SH3KBP1: variants seen among roughly 807,000 people sequenced by gnomAD.
The protein encoded by SH3KBP1 is SH3 domain-containing kinase-binding protein 1.
SH3KBP1 carries 8 observed loss-of-function variants against 50.1 expected under a neutral mutation model. The ratio of observed to expected loss-of-function variants is 0.16; its 90% confidence interval spans 0.09 to 0.29. SH3KBP1 has a LOEUF of 0.29. Ranked by LOEUF, SH3KBP1 falls within the 10% of genes least tolerant of loss-of-function variation. SH3KBP1 has a pLI of 1.00. For synonymous variants in SH3KBP1, 227 were observed against 218.6 expected, an observed-to-expected ratio of 1.04 and a Z score of -0.34; for missense variants, 377 against 535.2, an observed-to-expected ratio of 0.70 and a Z score of 2.92.
chrX:19,875,529 G>C (rs1041256870), intron 1 of SH3KBP1, among the ~76,000 whole-genome samples: 2 of 112,168 alleles, frequency 1.8e-5, no homozygotes, highest in African/African-American at 6.5e-5. Flanking sequence ...CTGGCCCGAG[G>C]GCAGCCCCGT....
chrX:19,823,558 C>T (rs1204120917), intron 2 of SH3KBP1, among the ~76,000 whole-genome samples: 2 of 112,138 alleles, frequency 1.8e-5, no homozygotes, highest in Non-Finnish European at 3.8e-5. Flanking sequence ...TCTCTTCTGC[C>T]ACTAGACAGG....
chrX:19,873,533 G>A (rs1161840737), intron 1 of SH3KBP1, among the ~76,000 whole-genome samples: 2 of 104,691 alleles, frequency 1.9e-5, no homozygotes, highest in Non-Finnish European at 3.9e-5. Flanking sequence ...TTAGCCGGGC[G>A]AGGTGGCAGG....
At position 19,748,896 on chromosome X, in the gene SH3KBP1, G is replaced by T. The variant is rs776975361; in HGVS notation, c.163-2455C>A. ...ATCTAAGCAGTCGCCCAGTCTGGCT[G>T]CATCTACTTTCTCAATCTGTTTCTT... On this transcript the variant is annotated intron_variant, in intron 2 of 17. Coordinates refer to ENST00000397821, the MANE Select transcript of SH3KBP1 (RefSeq NM_031892.3). Among the ~76,000 whole-genome samples the T allele has an allele frequency of 4.5e-5, 5 of 111,441 alleles. No homozygotes were observed. The East Asian group carries it at 1.4e-3, about 32-fold the overall frequency.
In SH3KBP1 at chrX:19,796,437, C is replaced by G. The variant is rs1176242812; in HGVS notation, c.162+39688G>C. On this transcript the variant is annotated intron_variant, in intron 2 of 17. Coordinates refer to ENST00000397821, the MANE Select transcript of SH3KBP1 (RefSeq NM_031892.3). ...GCTACTTAGACATGGTCCCTACCCC[C>G]ACTGCCATTTAGGTGGTGCCTTGGG... is the stretch of plus-strand genomic sequence containing the variant. 2.7e-5 allele frequency among the ~76,000 whole-genome samples: 3 copies of G among 112,124 alleles called. No homozygotes were observed. In the East Asian group the frequency reaches 8.4e-4, roughly 31 times the overall value.
chrX:19,657,571 T>C (rs1268327689), intron 6 of SH3KBP1, among the ~76,000 whole-genome samples: 8 of 105,790 alleles, frequency 7.6e-5, no homozygotes, highest in African/African-American at 2.4e-4. Context: ...CTACAAAAAA[T>C]ACAAAATTTA....
chrX:19,842,309 C>T (rs2068243385), intron 1 of SH3KBP1, among the ~76,000 whole-genome samples: 1 of 112,117 alleles, frequency 8.9e-6, no homozygotes, highest in Non-Finnish European at 1.9e-5. Flanking sequence ...GGGCAGATCA[C>T]AAGGTCAGGA....
rs993803540 is a variant in SH3KBP1 at position 19,591,997 on chromosome X, G to C, written c.1138+70C>G. 8.1e-6 allele frequency: 7 copies of C among 867,968 alleles called. No individual in the cohort carries two copies. The Admixed American group carries it at 1.3e-4, about 16-fold the overall frequency. 71.5% of individuals were successfully genotyped at this position (867,968 alleles called of 1,213,427 possible). On this transcript the variant is annotated intron_variant, in intron 11 of 17. Coordinates refer to ENST00000397821, the MANE Select transcript of SH3KBP1 (RefSeq NM_031892.3). ...AAAAGCAAATTCTGTGGGTATTCTG[G>C]ACTAGCCGTGTAACAGACAGCTTCA...
chrX:19,607,846 C>T lies in SH3KBP1; in HGVS notation c.1005+92G>A, dbSNP rs1201450441. 6 of 694,137 alleles carry T rather than the reference C, an allele frequency of 8.6e-6. No homozygotes were observed. In the Admixed American group the frequency reaches 1.2e-4, roughly 14 times the overall value. 57.2% of individuals were successfully genotyped at this position (694,137 alleles called of 1,213,427 possible). On this transcript the variant is annotated intron_variant, in intron 9 of 17. Coordinates refer to ENST00000397821, the MANE Select transcript of SH3KBP1 (RefSeq NM_031892.3). ...CTGGGTCTGTTGAATGTTCAAATGC[C>T]AGTGCTCTTCAACATTACACCAAAC... is the stretch of plus-strand genomic sequence containing the variant.
intron 2 of SH3KBP1, among the ~76,000 whole-genome samples, chrX:19,758,299 G>A (rs757752215): frequency 5.3e-5 from 5 of 94,743 alleles, no homozygotes; most frequent in African/African-American, 2.0e-4. Context: ...CTGAACTCCG[G>A]CCTGGGCCAC....
At chrX:19,703,138 A>G (rs1158244691) in intron 4 of SH3KBP1, among the ~76,000 whole-genome samples, 1 of 111,272 alleles carries the variant, frequency 9.0e-6, no homozygotes, top group East Asian at 2.8e-4. Flanking sequence ...GGGCTGGTAG[A>G]CTCGCTCCTG....
chrX:19,666,201 A>C (rs896001463), intron 6 of SH3KBP1, among the ~76,000 whole-genome samples: 3 of 111,238 alleles, frequency 2.7e-5, no homozygotes, highest in Non-Finnish European at 3.8e-5. Context: ...AAAAAAAATC[A>C]ATCACAAAAC....
At chrX:19,805,766 A>G (rs1434201127) in intron 2 of SH3KBP1, among the ~76,000 whole-genome samples, 1 of 111,048 alleles carries the variant, frequency 9.0e-6, no homozygotes, top group Admixed American at 9.6e-5. Flanking sequence ...TGCCATTTAC[A>G]ATCTGTGCTC....
intron 2 of SH3KBP1, among the ~76,000 whole-genome samples, chrX:19,776,492 T>G (rs1047279830): frequency 3.8e-5 from 4 of 104,600 alleles, no homozygotes; most frequent in Non-Finnish European, 7.7e-5. Context: ...TAAAAGAATT[T>G]TTTTTAAAAA....
chrX:19,787,464 T>C (rs1171404153), intron 2 of SH3KBP1, among the ~76,000 whole-genome samples: 1 of 112,034 alleles, frequency 8.9e-6, no homozygotes, highest in Non-Finnish European at 1.9e-5. Context: ...CTGTGAATTG[T>C]TGTAAAATCA....
At position 19,619,361 on chromosome X, in the gene SH3KBP1, A is replaced by G. The variant is rs1347945904; in HGVS notation, c.898-11316T>C. On this transcript the variant is annotated intron_variant, in intron 8 of 17. Coordinates refer to ENST00000397821, the MANE Select transcript of SH3KBP1 (RefSeq NM_031892.3). ...TCCTTATATAGACAGGACCTTCCCA[A>G]TGTCCTCGTAAGATGGCTTTAAGTA... Among the ~76,000 whole-genome samples, 2 of 112,833 alleles carry G rather than the reference A, an allele frequency of 1.8e-5. 1 individual carries two copies. The highest frequency in any genetic ancestry group is 3.7e-5 in the Non-Finnish European group (2 of 53,359).
chrX:19,869,407 A>G (rs1349774990), intron 1 of SH3KBP1, among the ~76,000 whole-genome samples: 3 of 112,011 alleles, frequency 2.7e-5, no homozygotes, highest in Non-Finnish European at 5.6e-5. Context: ...GAAGTGATGT[A>G]AGCAGTTTCC....
At chrX:19,581,590 A>AGTGTCCTG (rs1160406010) in intron 12 of SH3KBP1, among the ~76,000 whole-genome samples, 3 of 111,441 alleles carry the variant, frequency 2.7e-5, no homozygotes, top group South Asian at 7.6e-4. Context: ...CGGAGTGATC[A>AGTGTCCTG]GTACCTGGAA....
chrX:19,768,548 G>T (rs1264793129), intron 2 of SH3KBP1, among the ~76,000 whole-genome samples: 2 of 98,470 alleles, frequency 2.0e-5, no homozygotes, highest in African/African-American at 7.5e-5. Context: ...ATTTCAGCTG[G>T]CATTTAATTT....
intron 6 of SH3KBP1, among the ~76,000 whole-genome samples, chrX:19,653,002 T>C (rs944688896): frequency 2.7e-5 from 3 of 111,830 alleles, no homozygotes; most frequent in Admixed American, 9.4e-5. Context: ...TTTTTGTTTG[T>C]TTTTGAGACA....
Sources: allele counts gnomAD v4.1 joint callset (sites outside exome capture counted in the v4.1 genomes callset), GRCh38; gene constraint gnomAD v4.1.1; transcripts MANE v1.5; gene names NCBI Gene and HGNC (gene_info 2026-07-23, HGNC 2026-07-21).